LRRC69: variants seen among roughly 807,000 people sequenced by gnomAD.
The protein encoded by LRRC69 is leucine rich repeat containing 69.
LRRC69 carries 42 observed loss-of-function variants against 37.8 expected under a neutral mutation model. That is an observed-to-expected ratio of 1.11 (90% confidence interval 0.87 to 1.44). The LOEUF (loss-of-function observed/expected upper bound fraction) is 1.44. Among genes scored for constraint, LRRC69 ranks in the 40% most tolerant of loss-of-function variants. The pLI, the probability that LRRC69 is intolerant of heterozygous loss-of-function variation, is 0.00. For missense variants in LRRC69, 357 were observed against 401.9 expected (o/e 0.89, Z 0.96); for synonymous variants, 141 against 143.1 (o/e 0.99, Z 0.11).
intron 7 of LRRC69, among the ~76,000 whole-genome samples, chr8:91,212,662 A>G (rs973666329): frequency 3.3e-5 from 5 of 152,180 alleles, no homozygotes; most frequent in Non-Finnish European, 5.9e-5. Context: ...ACTGACATTC[A>G]TTTATGAAAC....
At chr8:91,168,711 TG>T (rs2130577643) in intron 5 of LRRC69, among the ~76,000 whole-genome samples, 1 of 142,080 alleles carries the variant, frequency 7.0e-6, no homozygotes, top group South Asian at 2.3e-4. Flanking sequence ...ACACTCTATG[TG>T]TTGTCTGTTT....
chr8:91,108,970 A>T (rs865778363), intron 1 of LRRC69, among the ~76,000 whole-genome samples: 7 of 152,108 alleles, frequency 4.6e-5, no homozygotes, highest in Middle Eastern at 3.4e-3. Context: ...GAGAAGATCC[A>T]TGTCATTTAT....
At chr8:91,197,493 A>G (rs974692956) in intron 6 of LRRC69, among the ~76,000 whole-genome samples, 11 of 151,730 alleles carry the variant, frequency 7.2e-5, no homozygotes, top group Non-Finnish European at 1.6e-4. Context: ...GCAATCAGCG[A>G]GACTCCGTGG....
chr8:91,139,325 A>C (rs1473070097), intron 5 of LRRC69: 1 of 151,842 alleles, frequency 6.6e-6, no homozygotes, highest in Non-Finnish European at 1.5e-5. Flanking sequence ...GTGGATCACG[A>C]GGTCAGGAGA....
At chr8:91,217,595 C>T (rs905690852) in intron 7 of LRRC69, among the ~76,000 whole-genome samples, 44 of 152,128 alleles carry the variant, frequency 2.9e-4, no homozygotes, top group African/African-American at 9.2e-4. Context: ...TTGCCTGGGC[C>T]GCAGTTACAT....
At chr8:91,139,492 T>A in intron 5 of LRRC69, among the ~76,000 whole-genome samples, 1 of 144,790 alleles carries the variant, frequency 6.9e-6, no homozygotes. Context: ...TCAGGCTGGT[T>A]GCGAACTCCT....
At chr8:91,146,697 T>G (rs942413028) in intron 5 of LRRC69, among the ~76,000 whole-genome samples, 1 of 151,812 alleles carries the variant, frequency 6.6e-6, no homozygotes, top group Admixed American at 6.6e-5. Context: ...TGGGTAGATA[T>G]GGATTTTACA....
intron 1 of LRRC69, among the ~76,000 whole-genome samples, chr8:91,114,709 AGGCTT>A (rs1404094042): frequency 1.2e-4 from 19 of 152,172 alleles, no homozygotes; most frequent in African/African-American, 4.3e-4. Context: ...ATAGCATAGT[AGGCTT>A]ATAGCAGGTG....
At chr8:91,138,327 AACAG>A (rs1456566494) in intron 5 of LRRC69, among the ~76,000 whole-genome samples, 1 of 151,976 alleles carries the variant, frequency 6.6e-6, no homozygotes, top group African/African-American at 2.4e-5. Flanking sequence ...CATATATAAA[AACAG>A]ACAGAAAAGC....
At chr8:91,107,522 T>C (rs866518245) in intron 1 of LRRC69, among the ~76,000 whole-genome samples, 1 of 152,040 alleles carries the variant, frequency 6.6e-6, no homozygotes, top group African/African-American at 2.4e-5. Flanking sequence ...CAAAGTGTGG[T>C]CCCTGCCTTC....
chr8:91,193,391 A>T lies in LRRC69; in HGVS notation c.753+3768A>T, dbSNP rs1316997338. ...TTTTTCCAATTCTGTGAAGAAAGGC[A>T]TTGGTAGCTTGATGGGGATGGCATT... is the stretch of plus-strand genomic sequence containing the variant. On this transcript the variant is annotated intron_variant, in intron 6 of 7. Transcript: ENST00000448384. 2.9e-3 allele frequency among the ~76,000 whole-genome samples: 409 copies of T among 142,476 alleles called. 9 individuals carry two copies. The highest frequency in any genetic ancestry group is 5.4e-4 in the Non-Finnish European group (35 of 65,292). The allele number at this position is 142,476 out of a possible 152,430, so 93.5% of individuals were successfully genotyped here.
intron 5 of LRRC69, among the ~76,000 whole-genome samples, chr8:91,189,311 G>A (rs1809453973): frequency 6.6e-6 from 1 of 152,086 alleles, no homozygotes; most frequent in South Asian, 2.1e-4. Context: ...GGCCATTCAT[G>A]CCACCATTAA....
chr8:91,147,121 C>T (rs1808633848), intron 5 of LRRC69, among the ~76,000 whole-genome samples: 1 of 151,188 alleles, frequency 6.6e-6, no homozygotes, highest in Non-Finnish European at 1.5e-5. Flanking sequence ...TAAGAATCAG[C>T]AATATGCCTG....
chr8:91,146,529 A>G (rs1454946058), intron 5 of LRRC69, among the ~76,000 whole-genome samples: 1 of 83,400 alleles, frequency 1.2e-5, no homozygotes, highest in Non-Finnish European at 2.6e-5. Flanking sequence ...TTTCATTTAG[A>G]TGATTTCTCT....
At chr8:91,198,201 T>A (rs760437098) in intron 6 of LRRC69, among the ~76,000 whole-genome samples, 14 of 152,326 alleles carry the variant, frequency 9.2e-5, no homozygotes, top group South Asian at 2.1e-4. Flanking sequence ...GGGAATATAC[T>A]GCATTAGTAG....
intron 7 of LRRC69, among the ~76,000 whole-genome samples, chr8:91,202,491 A>T (rs952979233): frequency 2.0e-4 from 30 of 152,328 alleles, no homozygotes; most frequent in African/African-American, 6.7e-4. Context: ...GGATAAGGGA[A>T]GTCTTCACAG....
chr8:91,190,131 C>T (rs1269233678), intron 6 of LRRC69, among the ~76,000 whole-genome samples: 2 of 152,134 alleles, frequency 1.3e-5, no homozygotes, highest in Non-Finnish European at 2.9e-5. Flanking sequence ...CTATGATTCT[C>T]CATCAAGAAT....
Position 91,104,015 on chromosome 8 carries a change from C to G in LRRC69, c.183+1171C>G, listed in dbSNP as rs79164164. ...TTCCCCTCATCCTCAATCCCGATCT[C>G]CATATATAACCACTTTTAACTCATC... On this transcript the variant is annotated intron_variant, in intron 1 of 7. Coordinates refer to ENST00000448384, the Ensembl canonical transcript of LRRC69. Among the ~76,000 whole-genome samples, 269 of 152,060 alleles carry G rather than the reference C, an allele frequency of 1.8e-3. 1 individual carries two copies. Among genetic ancestry groups the G allele is most frequent in the African/African-American group, 6.2e-3 (258 of 41,544 alleles).
chr8:91,178,236 A>G (rs1809268952), intron 5 of LRRC69, among the ~76,000 whole-genome samples: 1 of 152,230 alleles, frequency 6.6e-6, no homozygotes. Context: ...GATAGATGAC[A>G]GAGTAGTAGT....
Sources: gnomAD v4.1 joint callset for allele counts (sites outside exome capture counted in the v4.1 genomes callset) on GRCh38, gnomAD v4.1.1 for gene constraint, MANE v1.5 for transcripts, NCBI Gene and HGNC (gene_info 2026-07-23, HGNC 2026-07-21) for gene names.